Variants in KLHL14 observed in about 807,000 individuals in gnomAD.
KLHL14 encodes kelch-like protein 14.
A neutral mutation model predicts 64.3 loss-of-function variants in KLHL14; 22 were observed. The observed-to-expected ratio is 0.34, with a 90% CI of 0.24 to 0.49. The LOEUF is 0.49. KLHL14 is among the 20% of genes least tolerant of loss of function. The pLI is 0.99. For synonymous variants in KLHL14, 322 were observed against 333.4 expected (o/e 0.97, Z 0.37); for missense variants, 661 against 789.0 (o/e 0.84, Z 1.94).
chr18:32,709,301 A>C (rs956543511), intron 3 of KLHL14, among the ~76,000 whole-genome samples: 1 of 152,066 alleles, frequency 6.6e-6, no homozygotes, highest in African/African-American at 2.4e-5. Flanking sequence ...TTTTCCTTTG[A>C]ATATTCTCAT....
chr18:32,682,982 G>A (rs887590495), intron 5 of KLHL14, among the ~76,000 whole-genome samples: 3 of 152,118 alleles, frequency 2.0e-5, no homozygotes, highest in Admixed American at 6.6e-5. Context: ...TGAGTTCTGT[G>A]CAGCATTAGT....
At chr18:32,728,057 C>T (rs1404404015) in intron 3 of KLHL14, among the ~76,000 whole-genome samples, 1 of 152,162 alleles carries the variant, frequency 6.6e-6, no homozygotes, top group Non-Finnish European at 1.5e-5. Context: ...TATATTCTTT[C>T]TTCAATCTTC....
chr18:32,725,675 C>T (rs542856414), intron 3 of KLHL14, among the ~76,000 whole-genome samples: 2 of 152,316 alleles, frequency 1.3e-5, no homozygotes, highest in South Asian at 4.1e-4. Context: ...TGGAGGTAGA[C>T]ATAATATCTG....
chr18:32,746,911 C>G (rs2050226574), intron 2 of KLHL14, among the ~76,000 whole-genome samples: 1 of 152,136 alleles, frequency 6.6e-6, no homozygotes, highest in Admixed American at 6.5e-5. Flanking sequence ...GATTATGATT[C>G]AATAGGATGA....
At chr18:32,714,179 G>T (rs986287772) in intron 3 of KLHL14, among the ~76,000 whole-genome samples, 1 of 152,052 alleles carries the variant, frequency 6.6e-6, no homozygotes, top group Non-Finnish European at 1.5e-5. Context: ...CATTTGAACT[G>T]CAGTGGTGAA....
chr18:32,736,748 C>T (rs553065712), intron 3 of KLHL14, among the ~76,000 whole-genome samples: 3 of 152,216 alleles, frequency 2.0e-5, no homozygotes, highest in African/African-American at 7.2e-5. Flanking sequence ...ATTCTCAATA[C>T]TGGGTGGTCT....
intron 3 of KLHL14, among the ~76,000 whole-genome samples, chr18:32,736,871 G>A (rs2050168981): frequency 6.6e-6 from 1 of 151,686 alleles, no homozygotes; most frequent in South Asian, 2.1e-4. Context: ...TTAACTTTAG[G>A]GGCTCATTTT....
chr18:32,696,741 T>C (rs1432068704), intron 3 of KLHL14, among the ~76,000 whole-genome samples: 1 of 152,188 alleles, frequency 6.6e-6, no homozygotes, highest in Non-Finnish European at 1.5e-5. Flanking sequence ...TTGGGTGCTA[T>C]ATAGCTCTCA....
intron 3 of KLHL14, among the ~76,000 whole-genome samples, chr18:32,705,234 A>G (rs766478818): frequency 1.4e-4 from 21 of 152,258 alleles, no homozygotes; most frequent in Non-Finnish European, 2.4e-4. Flanking sequence ...GACTACAGTT[A>G]ACAATAACAT....
At chr18:32,753,451 C>T (rs1288548965) in intron 2 of KLHL14, among the ~76,000 whole-genome samples, 1 of 151,996 alleles carries the variant, frequency 6.6e-6, no homozygotes, top group African/African-American at 2.4e-5. Context: ...CATGGGTCCT[C>T]CACAATTCTT....
intron 7 of KLHL14, among the ~76,000 whole-genome samples, chr18:32,679,582 T>C (rs1301960966): frequency 2.0e-5 from 3 of 152,126 alleles, no homozygotes; most frequent in African/African-American, 7.2e-5. Context: ...GTCGTATACA[T>C]ATCTAGGGAA....
chr18:32,701,934 G>A (rs892095971), intron 3 of KLHL14, among the ~76,000 whole-genome samples: 2 of 152,148 alleles, frequency 1.3e-5, no homozygotes, highest in African/African-American at 4.8e-5. Context: ...TTTACATTTT[G>A]TTGGAACCCA....
chr18:32,741,143 A>C (rs2050194684), intron 3 of KLHL14, among the ~76,000 whole-genome samples: 1 of 152,188 alleles, frequency 6.6e-6, no homozygotes, highest in African/African-American at 2.4e-5. Context: ...GGCAATTTTG[A>C]CAGTTAAAAT....
At chr18:32,679,022 G>T (rs1005308919) in intron 7 of KLHL14, among the ~76,000 whole-genome samples, 1 of 152,130 alleles carries the variant, frequency 6.6e-6, no homozygotes, top group African/African-American at 2.4e-5. Flanking sequence ...ATGGTGTGTG[G>T]CTTGAAATGA....
intron 3 of KLHL14, among the ~76,000 whole-genome samples, chr18:32,714,013 TGA>T (rs2050032858): frequency 2.0e-5 from 3 of 151,752 alleles, no homozygotes; most frequent in Admixed American, 2.0e-4. Context: ...TGTTCCTGCA[TGA>T]GAGTGATATA....
At chr18:32,677,081 G>A in intron 8 of KLHL14, 92 bp downstream of exon 8, 3 of 1,299,158 alleles carry the variant, frequency 2.3e-6, no homozygotes, top group South Asian at 2.8e-5. Context: ...ACTCTTAAAA[G>A]GTACATGTGT....
chr18:32,707,888 T>G (rs541899222), intron 3 of KLHL14, among the ~76,000 whole-genome samples: 1 of 152,208 alleles, frequency 6.6e-6, no homozygotes, highest in Admixed American at 6.5e-5. Context: ...TTAGTTCTCC[T>G]AGTGAGTCAC....
At chr18:32,712,694 A>C (rs1338758207) in intron 3 of KLHL14, among the ~76,000 whole-genome samples, 2 of 152,152 alleles carry the variant, frequency 1.3e-5, no homozygotes, top group African/African-American at 4.8e-5. Flanking sequence ...TCCTCAAAAA[A>C]GTTGTCTTTG....
At chr18:32,724,367 T>C (rs1053978530) in intron 3 of KLHL14, among the ~76,000 whole-genome samples, 10 of 152,328 alleles carry the variant, frequency 6.6e-5, no homozygotes, top group Non-Finnish European at 1.3e-4. Flanking sequence ...AGAGTGGTGA[T>C]GAGGATAACA....
Sources: allele counts gnomAD v4.1 joint callset (sites outside exome capture counted in the v4.1 genomes callset), GRCh38; gene constraint gnomAD v4.1.1; transcripts MANE v1.5; gene names NCBI Gene and HGNC (gene_info 2026-07-23, HGNC 2026-07-21).